DNAJB13: variants seen among roughly 807,000 people sequenced by gnomAD.
DNAJB13 encodes the protein DnaJ heat shock protein family (Hsp40) member B13, also known as dnaJ homolog subfamily B member 13.
Under a neutral mutation model 35.6 loss-of-function variants are expected in DNAJB13, and 22 were observed. The ratio of observed to expected loss-of-function variants is 0.62; its 90% CI spans 0.44 to 0.88. The LOEUF is 0.88. DNAJB13 is among the 40% of genes least tolerant of loss of function. The probability of loss-of-function intolerance (pLI) is 0.00; values close to 1 mark genes in which losing one functional copy is unlikely to be tolerated. For missense variants in DNAJB13, 370 were observed against 384.3 expected, an observed-to-expected ratio of 0.96 and a Z score of 0.31; for synonymous variants, 136 against 144.2, an observed-to-expected ratio of 0.94 and a Z score of 0.41.
At chr11:73,955,815 A>C (rs1950726596) in intron 1 of DNAJB13, among the ~76,000 whole-genome samples, 3 of 152,156 alleles carry the variant, frequency 2.0e-5, no homozygotes, top group Admixed American at 6.5e-5. Flanking sequence ...TAAATAAATA[A>C]AAATAACTGA....
At chr11:73,958,187 C>A in intron 1 of DNAJB13, 130 bp from the exon 2 acceptor site, 1 of 866,326 alleles carries the variant, frequency 1.2e-6, no homozygotes, top group Non-Finnish European at 1.8e-6. Flanking sequence ...ACCTCCGCAG[C>A]CACCACAGCT....
In DNAJB13 at chr11:73,968,604, G is replaced by T. The variant is rs949619484; in HGVS notation, c.720+146G>T. On this transcript the variant is annotated intron_variant, in intron 6 of 7. Coordinates refer to ENST00000339764, the MANE Select transcript of DNAJB13 (RefSeq NM_153614.4). ...CCACCCTCTAAATCACCATCCACTT[G>T]GTCCCGTCTGCTCATCTGCACCGCC... 6.0e-6 allele frequency: 4 copies of T among 671,352 alleles called. No homozygotes were observed. The African/African-American group carries it at 7.2e-5, about 12-fold the overall frequency. 41.6% of individuals were successfully genotyped at this position (671,352 alleles called of 1,614,324 possible). A position where few individuals can be genotyped will look rare whatever the true frequency, so the allele number is the denominator to read the frequency against.
rs1431838589 is a variant in DNAJB13, at chr11:73,968,246, C to A, written c.607-99C>A. 2.9e-6 allele frequency: 3 copies of A among 1,049,884 alleles called. No individual in the cohort carries two copies. The African/African-American group carries it at 4.7e-5, about 16-fold the overall frequency. 65.0% of individuals were successfully genotyped at this position (1,049,884 alleles called of 1,614,324 possible). ...TCCAGAAAACCTGCTCTCATCTCCCCATTGTACAGATGAAGACATGGAGAC... is the reference window on the plus strand; with the variant it reads ...TCCAGAAAACCTGCTCTCATCTCCCAATTGTACAGATGAAGACATGGAGAC... On this transcript the variant is annotated intron_variant, in intron 5 of 7. Coordinates refer to ENST00000339764, the MANE Select transcript of DNAJB13 (RefSeq NM_153614.4).
chr11:73,953,986 CAAA>C (rs1292422784), intron 1 of DNAJB13, among the ~76,000 whole-genome samples: 2 of 131,744 alleles, frequency 1.5e-5, no homozygotes, highest in East Asian at 4.3e-4. Flanking sequence ...GACTCTGTCT[CAAA>C]AATAATAATA....
intron 1 of DNAJB13, among the ~76,000 whole-genome samples, chr11:73,955,462 CTG>C (rs1292360756): frequency 1.3e-5 from 2 of 152,040 alleles, no homozygotes; most frequent in Non-Finnish European, 2.9e-5. Flanking sequence ...GTGTGTGCCA[CTG>C]TGCCCGGCTA....
intron 1 of DNAJB13, among the ~76,000 whole-genome samples, chr11:73,955,485 T>A (rs1950714873): frequency 6.6e-6 from 1 of 151,940 alleles, no homozygotes; most frequent in African/African-American, 2.4e-5. Context: ...ATTTTTTTAT[T>A]TTTAGTAGAG....
Position 73,958,359 on chromosome 11 carries a change from T to C in DNAJB13, c.111T>C (p.Asn37=). Residue 37 remains asparagine (N), a synonymous_variant, in exon 2 of 8, where the codon AAT becomes AAC. Transcript: ENST00000339764. ...TTAAGCACCACCCGTTGAAGTCAAATGAGCCGTCTTCAGCAGAGATTTTCA... is the reference window on the plus strand; with the variant it reads ...TTAAGCACCACCCGTTGAAGTCAAACGAGCCGTCTTCAGCAGAGATTTTCA... ...LALKHHPLKS[N]EPSSAEIFRQ... 6.2e-7 allele frequency: 1 copy of C among 1,614,176 alleles called. No homozygotes were observed.
intron 4 of DNAJB13, chr11:73,965,261 T>A: frequency 2.4e-6 from 1 of 423,270 alleles, no homozygotes; most frequent in Non-Finnish European, 4.1e-6. Context: ...TCTGCAGCCT[T>A]CCCAACTGGG....
At chr11:73,964,810 T>TGTGTGTGTGTGTGTGC (rs1554992063) in intron 3 of DNAJB13, 68 bp from the exon 4 acceptor site, 3 of 705,592 alleles carry the variant, frequency 4.3e-6, no homozygotes, top group Non-Finnish European at 6.7e-6. Context: ...TGTGTGTGTG[T>TGTGTGTGTGTGTGTGC]GTGCGCGCGC....
At chr11:73,969,166 A>C in intron 6 of DNAJB13, 80 bp from the exon 7 acceptor site, 1 of 695,000 alleles carries the variant, frequency 1.4e-6, no homozygotes, top group Non-Finnish European at 2.5e-6. Context: ...CTGGCACTGG[A>C]CAGGTTCCTA....
rs146910386 is a variant in DNAJB13 at position 73,968,402 on chromosome 11, C to T, written c.664C>T (p.Arg222Cys). ...CATCGTAAAGGAGAAGCTACACCCT[C>T]GCTTCCGCAGGGAGAATGACAACCT... Reference protein sequence around the residue: ...IFIVKEKLHPRFRRENDNLFF... With the variant: ...IFIVKEKLHPCFRRENDNLFF... Residue 222 changes from arginine (R) to cysteine (C), a missense_variant, in exon 6 of 8, where the codon CGC becomes TGC. Coordinates refer to ENST00000339764, the MANE Select transcript of DNAJB13 (RefSeq NM_153614.4). 4.2e-5 allele frequency: 68 copies of T among 1,614,018 alleles called. No individual in the cohort carries two copies. The African/African-American group carries it at 6.7e-4, about 16-fold the overall frequency.
intron 3 of DNAJB13, chr11:73,964,667 G>C: frequency 1.7e-6 from 1 of 587,234 alleles, no homozygotes; most frequent in East Asian, 3.0e-5. Context: ...TGCAGTTGAA[G>C]ACAGCTCCTT....
chr11:73,966,976 C>T (rs1951134788), intron 5 of DNAJB13, among the ~76,000 whole-genome samples: 1 of 151,984 alleles, frequency 6.6e-6, no homozygotes, highest in African/African-American at 2.4e-5. Context: ...CCTCAGCTTC[C>T]CCAGTAGCTG....
chr11:73,959,313 C>A (rs908993896), intron 2 of DNAJB13, among the ~76,000 whole-genome samples, 181 bp from the exon 3 acceptor site: 1 of 151,898 alleles, frequency 6.6e-6, no homozygotes, highest in African/African-American at 2.4e-5. Flanking sequence ...CTAGGTCCTC[C>A]CAGAATGAAA....
intron 3 of DNAJB13, among the ~76,000 whole-genome samples, chr11:73,961,220 C>A (rs1950923917): frequency 6.6e-6 from 1 of 152,158 alleles, no homozygotes; most frequent in Admixed American, 6.5e-5. Flanking sequence ...GTTGAGGCTG[C>A]AGTGAGCCAA....
intron 1 of DNAJB13, among the ~76,000 whole-genome samples, chr11:73,957,409 G>C (rs1950781541): frequency 6.6e-6 from 1 of 152,180 alleles, no homozygotes; most frequent in Admixed American, 6.5e-5. Flanking sequence ...TCCAGCACCT[G>C]GGCGAATGGT....
intron 4 of DNAJB13, chr11:73,965,570 C>T (rs551975126): frequency 5.0e-5 from 8 of 161,264 alleles, no homozygotes; most frequent in African/African-American, 1.9e-4. Context: ...CAAGCCCCCT[C>T]CACCTTTGCC....
intron 1 of DNAJB13, among the ~76,000 whole-genome samples, chr11:73,954,121 T>A (rs1350486039): frequency 7.1e-6 from 1 of 141,320 alleles, no homozygotes; most frequent in Non-Finnish European, 1.5e-5. Flanking sequence ...GGTCAGGAGT[T>A]TGAGACCAGC....
chr11:73,967,960 G>C (rs1951167030), intron 5 of DNAJB13: 1 of 342,744 alleles, frequency 2.9e-6, no homozygotes, highest in African/African-American at 2.1e-5. Flanking sequence ...GACCTCAGCA[G>C]AGTTTTGGTG....
Sources: allele counts gnomAD v4.1 joint callset (sites outside exome capture counted in the v4.1 genomes callset), GRCh38; gene constraint gnomAD v4.1.1; transcripts MANE v1.5; gene names NCBI Gene and HGNC (gene_info 2026-07-23, HGNC 2026-07-21).